VRK2: variants seen among roughly 807,000 people sequenced by gnomAD.
The protein encoded by VRK2 is serine/threonine-protein kinase VRK2.
A neutral mutation model predicts 57.6 loss-of-function variants in VRK2; 60 were observed. The observed-to-expected ratio is 1.04, with a 90% confidence interval of 0.85 to 1.29. The LOEUF (loss-of-function observed/expected upper bound fraction) is 1.29, where lower values mean the gene tolerates loss of function less well. VRK2 is among the 50% of genes most tolerant of loss of function. VRK2 has a pLI of 0.00. For synonymous variants in VRK2, 231 were observed against 199.2 expected, an observed-to-expected ratio of 1.16 and a Z score of -1.35; for missense variants, 705 against 588.1, an observed-to-expected ratio of 1.20 and a Z score of -2.06.
At chr2:57,941,862 A>C (rs1009511089) in intron 1 of VRK2, among the ~76,000 whole-genome samples, 1 of 152,220 alleles carries the variant, frequency 6.6e-6, no homozygotes. Context: ...GTGAATTATA[A>C]GAAACCTGTT....
intron 1 of VRK2, among the ~76,000 whole-genome samples, chr2:57,965,458 C>T (rs1420968995): frequency 6.6e-6 from 1 of 152,180 alleles, no homozygotes; most frequent in Non-Finnish European, 1.5e-5. Context: ...GTAACTGCAG[C>T]ACTGGAGAAG....
chr2:58,124,344 T>C (rs575115338), intron 8 of VRK2, among the ~76,000 whole-genome samples: 1 of 152,360 alleles, frequency 6.6e-6, no homozygotes, highest in South Asian at 2.1e-4. Flanking sequence ...GCAACTGTAC[T>C]TTCTTAGTTG....
intron 7 of VRK2, among the ~76,000 whole-genome samples, chr2:58,119,633 A>G (rs1020145968): frequency 6.6e-6 from 1 of 151,762 alleles, no homozygotes; most frequent in Non-Finnish European, 1.5e-5. Context: ...CTACTCACCA[A>G]AGGCAGTCAT....
chr2:58,021,101 G>A (rs945034226), intron 1 of VRK2, among the ~76,000 whole-genome samples: 1 of 152,148 alleles, frequency 6.6e-6, no homozygotes, highest in South Asian at 2.1e-4. Context: ...TATTTTGGAA[G>A]AGCTAAACAG....
chr2:58,093,572 T>A (rs1672683617), intron 7 of VRK2, among the ~76,000 whole-genome samples: 1 of 152,252 alleles, frequency 6.6e-6, no homozygotes, highest in Admixed American at 6.5e-5. Context: ...TAGTCCTTTG[T>A]CAGATGAGTA....
chr2:58,032,554 T>C (rs754747072), intron 2 of VRK2, among the ~76,000 whole-genome samples: 1 of 152,072 alleles, frequency 6.6e-6, no homozygotes. Flanking sequence ...TGGGTGGCCT[T>C]GGACTGACGC....
intron 8 of VRK2, among the ~76,000 whole-genome samples, chr2:58,125,543 A>G (rs919343844): frequency 6.6e-6 from 1 of 152,064 alleles, no homozygotes; most frequent in African/African-American, 2.4e-5. Context: ...TCAGGGAAGA[A>G]CCTACATTAA....
At chr2:57,951,378 G>A (rs6759245) in intron 1 of VRK2, among the ~76,000 whole-genome samples, 1 of 152,166 alleles carries the variant, frequency 6.6e-6, no homozygotes, top group African/African-American at 2.4e-5. Context: ...GGTTTCCTGA[G>A]ATAGTATCTA....
At chr2:57,951,910 AT>A (rs1385836117) in intron 1 of VRK2, among the ~76,000 whole-genome samples, 3 of 143,226 alleles carry the variant, frequency 2.1e-5, no homozygotes, top group African/African-American at 5.3e-5. Context: ...TGCCCAGGTA[AT>A]TTTTTTTCCT....
At chr2:57,924,526 T>A (rs1670467913) in intron 1 of VRK2, among the ~76,000 whole-genome samples, 1 of 152,082 alleles carries the variant, frequency 6.6e-6, no homozygotes, top group Non-Finnish European at 1.5e-5. Context: ...TTGTTCACTT[T>A]TGGCATATAG....
intron 1 of VRK2, among the ~76,000 whole-genome samples, chr2:58,005,936 A>G (rs1185825044): frequency 6.6e-6 from 1 of 152,162 alleles, no homozygotes; most frequent in African/African-American, 2.4e-5. Flanking sequence ...TGCTTTGACT[A>G]AAGAAACTGA....
intron 7 of VRK2, among the ~76,000 whole-genome samples, chr2:58,116,864 T>C (rs1170865279): frequency 6.6e-6 from 1 of 152,196 alleles, no homozygotes; most frequent in Non-Finnish European, 1.5e-5. Context: ...GCCAGATTTC[T>C]GGCACTTGTA....
At chr2:58,152,810 C>T (rs920659246) in intron 12 of VRK2, among the ~76,000 whole-genome samples, 7 of 151,914 alleles carry the variant, frequency 4.6e-5, no homozygotes, top group African/African-American at 1.7e-4. Context: ...TATACCCTTA[C>T]CTACCCTTTC....
At chr2:57,970,249 A>T (rs1462643195) in intron 1 of VRK2, among the ~76,000 whole-genome samples, 1 of 150,254 alleles carries the variant, frequency 6.7e-6, no homozygotes, top group Admixed American at 6.6e-5. Context: ...CCACTAAAAA[A>T]AGTTCATTAT....
At chr2:58,147,775 T>G (rs1357449169) in intron 12 of VRK2, among the ~76,000 whole-genome samples, 2 of 150,584 alleles carry the variant, frequency 1.3e-5, no homozygotes, top group Non-Finnish European at 3.0e-5. Context: ...ATGCATTCAT[T>G]TGGGCCTGGC....
chr2:57,919,732 C>A (rs1322776374), intron 1 of VRK2, among the ~76,000 whole-genome samples: 2 of 152,066 alleles, frequency 1.3e-5, no homozygotes, highest in African/African-American at 4.8e-5. Context: ...CAGCTAGGGG[C>A]TACAGAGTCA....
chr2:57,953,235 C>A (rs1193019426), intron 1 of VRK2, among the ~76,000 whole-genome samples: 1 of 152,198 alleles, frequency 6.6e-6, no homozygotes, highest in Non-Finnish European at 1.5e-5. Context: ...CACTTTTGCT[C>A]TTATCTGATT....
intron 1 of VRK2, among the ~76,000 whole-genome samples, chr2:57,993,481 T>TAAA (rs879272262): frequency 1.2e-3 from 178 of 143,036 alleles, no homozygotes; most frequent in African/African-American, 4.4e-3. Context: ...TGCTCTGCTT[T>TAAA]AAAAAAAAAA....
intron 1 of VRK2, chr2:58,047,292 T>A (rs1674960236): frequency 2.2e-6 from 1 of 447,336 alleles, no homozygotes. Context: ...GCGGCGGGGT[T>A]GGAGGTCAGC....
Sources: allele counts gnomAD v4.1 joint callset (sites outside exome capture counted in the v4.1 genomes callset), GRCh38; gene constraint gnomAD v4.1.1; transcripts MANE v1.5; gene names NCBI Gene and HGNC (gene_info 2026-07-23, HGNC 2026-07-21).